RAB3C: variants seen among roughly 807,000 people sequenced by gnomAD.
The protein encoded by RAB3C is RAB3C, member RAS oncogene family.
Under a neutral mutation model 26.4 loss-of-function variants are expected in RAB3C, and 17 were observed. That is an observed-to-expected ratio of 0.64 (90% CI 0.44 to 0.97). The LOEUF (loss-of-function observed/expected upper bound fraction) is 0.97, where lower values mean the gene tolerates loss of function less well. Ranked by LOEUF, RAB3C falls within the 50% of genes least tolerant of loss-of-function variation. The pLI is 0.00. For synonymous variants in RAB3C, 91 were observed against 95.9 expected, an observed-to-expected ratio of 0.95 and a Z score of 0.30; for missense variants, 242 against 281.9, an observed-to-expected ratio of 0.86 and a Z score of 1.01.
intron 2 of RAB3C, among the ~76,000 whole-genome samples, chr5:58,627,165 T>A (rs974613272): frequency 1.3e-5 from 2 of 152,194 alleles, no homozygotes; most frequent in Non-Finnish European, 2.9e-5. Context: ...TATAAATCAC[T>A]GGATCCACAG....
rs1244322994 is a variant in RAB3C, at chr5:58,853,503, T to C, written c.*2152T>C. On this transcript the variant is annotated 3_prime_UTR_variant, in exon 5 of 5. Coordinates refer to ENST00000282878, the MANE Select transcript of RAB3C (RefSeq NM_138453.4). ...TATTGTGGTAAAATGAAAAGCAAAA[T>C]GAGACAGTATTTAAAAGTGAAAGAG... 2 of 152,184 alleles carry C rather than the reference T, an allele frequency of 1.3e-5. No homozygotes were observed. Among genetic ancestry groups the C allele is most frequent in the South Asian group, 2.1e-4 (1 of 4,824 alleles). 9.4% of individuals were successfully genotyped at this position (152,184 alleles called of 1,614,324 possible).
intron 2 of RAB3C, among the ~76,000 whole-genome samples, chr5:58,656,628 CA>C (rs1400652833): frequency 1.3e-5 from 2 of 152,010 alleles, no homozygotes; most frequent in Non-Finnish European, 2.9e-5. Flanking sequence ...AGTAGAAATA[CA>C]CAGAAACATA....
intron 3 of RAB3C, among the ~76,000 whole-genome samples, chr5:58,798,644 T>C (rs145071936): frequency 1.3e-3 from 199 of 152,356 alleles, no homozygotes; most frequent in Non-Finnish European, 2.4e-3. Flanking sequence ...CTTCAGGCTA[T>C]GTGTATAAGT....
intron 2 of RAB3C, among the ~76,000 whole-genome samples, chr5:58,702,338 C>G (rs1051726029): frequency 1.3e-5 from 2 of 152,126 alleles, no homozygotes; most frequent in African/African-American, 4.8e-5. Flanking sequence ...TTCATCCATG[C>G]AAACTACTTT....
chr5:58,786,027 C>T (rs1742371645), intron 3 of RAB3C, among the ~76,000 whole-genome samples: 1 of 152,172 alleles, frequency 6.6e-6, no homozygotes, highest in African/African-American at 2.4e-5. Context: ...CTTGGCCCTG[C>T]TAAGGACACA....
chr5:58,725,859 G>A (rs1248511768), intron 2 of RAB3C, 143 bp from the exon 3 acceptor site: 1 of 480,674 alleles, frequency 2.1e-6, no homozygotes, highest in African/African-American at 2.0e-5. Flanking sequence ...ATCATTAGGG[G>A]AAACAAGACC....
intron 3 of RAB3C, among the ~76,000 whole-genome samples, chr5:58,732,653 T>C (rs1472175568): frequency 6.6e-6 from 1 of 152,174 alleles, no homozygotes; most frequent in Non-Finnish European, 1.5e-5. Context: ...AATGAATGGA[T>C]TACATGCTTC....
At chr5:58,749,901 A>G (rs1453184117) in intron 3 of RAB3C, among the ~76,000 whole-genome samples, 1 of 152,194 alleles carries the variant, frequency 6.6e-6, no homozygotes, top group Admixed American at 6.5e-5. Flanking sequence ...TTTTTGAAAA[A>G]TCATTCTTTA....
At chr5:58,607,932 G>A (rs896146182) in intron 1 of RAB3C, among the ~76,000 whole-genome samples, 50 of 152,216 alleles carry the variant, frequency 3.3e-4, no homozygotes, top group African/African-American at 1.2e-3. Flanking sequence ...CCTGAAGGAA[G>A]CACTAAACAT....
intron 3 of RAB3C, among the ~76,000 whole-genome samples, chr5:58,754,007 T>G (rs946720365): frequency 7.9e-5 from 12 of 152,128 alleles, no homozygotes; most frequent in African/African-American, 2.7e-4. Context: ...GATGCTGCTT[T>G]CAGCTTGGGG....
chr5:58,682,696 G>GAAAAAAAA (rs548127913), intron 2 of RAB3C, among the ~76,000 whole-genome samples: 2 of 73,890 alleles, frequency 2.7e-5, no homozygotes, highest in African/African-American at 8.3e-5. Context: ...AAAGAAAAAA[G>GAAAAAAAA]AAAAAAAAAA....
Position 58,596,738 on chromosome 5 carries a change from A to ATATATAAATTTAT in RAB3C, c.24+13506_24+13507insTATATAAATTTAT, listed in dbSNP as rs1213251143. Among the ~76,000 whole-genome samples the ATATATAAATTTAT allele has an allele frequency of 5.5e-3, 406 of 74,336 alleles. 18 individuals carry two copies. The highest frequency in any genetic ancestry group is 0.022 in the African/African-American group (381 of 17,612). 48.8% of individuals were successfully genotyped at this position (74,336 alleles called of 152,430 possible). A position where few individuals can be genotyped will look rare whatever the true frequency, so the allele number is the denominator to read the frequency against. ...ATATAATATATAATACATAATATAT[A>ATATATAAATTTAT]AATATATAATACATAATATATAAAT... On this transcript the variant is annotated intron_variant, in intron 1 of 4. Coordinates refer to ENST00000282878, the MANE Select transcript of RAB3C (RefSeq NM_138453.4).
In RAB3C at chr5:58,851,134, C is replaced by T. The variant is rs141153666; in HGVS notation, c.497-30C>T. 5 of 1,562,622 alleles carry T rather than the reference C, an allele frequency of 3.2e-6. No homozygotes were observed. In the African/African-American group the frequency reaches 6.9e-5, roughly 21 times the overall value. The stretch of plus-strand genomic sequence containing the variant: ...ATTTAATTTCAGAAATGCAAAATAA[C>T]CAAGATGTGTTTCTGTGTGTTTCTT... On this transcript the variant is annotated intron_variant, in intron 4 of 4. Transcript: ENST00000282878.
intron 3 of RAB3C, among the ~76,000 whole-genome samples, chr5:58,759,977 A>C (rs1400193779): frequency 1.3e-5 from 2 of 152,218 alleles, no homozygotes; most frequent in Non-Finnish European, 2.9e-5. Flanking sequence ...CCGAAGTGGA[A>C]CTAACAGGAG....
At chr5:58,661,644 G>T (rs1471492003) in intron 2 of RAB3C, among the ~76,000 whole-genome samples, 1 of 146,138 alleles carries the variant, frequency 6.8e-6, no homozygotes. Flanking sequence ...TGTATCTAGT[G>T]TGGTGGCAAT....
chr5:58,760,226 G>A (rs554234202), intron 3 of RAB3C, among the ~76,000 whole-genome samples: 4 of 152,104 alleles, frequency 2.6e-5, no homozygotes, highest in African/African-American at 7.2e-5. Flanking sequence ...GTGTTTGTTT[G>A]TATGAAAAAT....
intron 3 of RAB3C, among the ~76,000 whole-genome samples, chr5:58,777,362 G>T (rs948770795): frequency 6.6e-6 from 1 of 152,194 alleles, no homozygotes; most frequent in Non-Finnish European, 1.5e-5. Flanking sequence ...GTATGCCAGG[G>T]TGTTCTGTGT....
chr5:58,857,525 T>G lies in RAB3C; in HGVS notation c.*6174T>G, dbSNP rs891833373. ...ATGTGCATTAGGAAAAGTCATGTTT[T>G]TCTTCTCAGAAAGGTTGATCACATG... On this transcript the variant is annotated 3_prime_UTR_variant, in exon 5 of 5. Transcript: ENST00000282878. 4 of 152,222 alleles carry G rather than the reference T, an allele frequency of 2.6e-5. No homozygotes were observed. The highest frequency in any genetic ancestry group is 4.4e-5 in the Non-Finnish European group (3 of 68,022). 9.4% of individuals were successfully genotyped at this position (152,222 alleles called of 1,614,324 possible).
At chr5:58,583,710 A>C (rs971228436) in intron 1 of RAB3C, among the ~76,000 whole-genome samples, 1 of 152,138 alleles carries the variant, frequency 6.6e-6, no homozygotes, top group African/African-American at 2.4e-5. Context: ...AGGCTCCTCA[A>C]AGTCCCCTTT....
Sources: gnomAD v4.1 joint callset for allele counts (sites outside exome capture counted in the v4.1 genomes callset) on GRCh38, gnomAD v4.1.1 for gene constraint, MANE v1.5 for transcripts, NCBI Gene and HGNC (gene_info 2026-07-23, HGNC 2026-07-21) for gene names.